Variants in CAPN3 observed in about 807,000 individuals in gnomAD.
CAPN3 encodes calpain 3, also known as calpain-3.
Under a neutral mutation model 114.0 loss-of-function variants are expected in CAPN3, and 88 were observed. That is an observed-to-expected ratio of 0.77 (90% CI 0.65 to 0.92). The LOEUF (loss-of-function observed/expected upper bound fraction) is 0.92, where lower values mean the gene tolerates loss of function less well. Among genes scored for constraint, CAPN3 ranks in the 40% least tolerant of loss-of-function variants. The pLI is 0.00. For synonymous variants in CAPN3, 386 were observed against 382.9 expected (o/e 1.01, Z -0.09); for missense variants, 1,028 against 1,069.0 (o/e 0.96, Z 0.53).
intron 2 of CAPN3, chr15:42,385,803 A>G (rs369403008): frequency 3.0e-5 from 16 of 537,196 alleles, no homozygotes; most frequent in South Asian, 2.1e-4. Context: ...GCAAAGGCAC[A>G]GGGCAGGGCA....
At chr15:42,385,616 C>G in intron 2 of CAPN3, 1 of 512,610 alleles carries the variant, frequency 2.0e-6, no homozygotes. Context: ...AAAAGAGGTT[C>G]AGAGAATAAG....
Position 42,410,443 on chromosome 15 carries a change from A to G in CAPN3, c.2131A>G (p.Lys711Glu), listed in dbSNP as rs768848281. ...CCTCCTCCAGACAGATGGCTCTGGA[A>G]AGCTCAACCTGCAGGAGTTCCACCA... The part of the protein sequence containing the change: ...IALMDTDGSG[K>E]LNLQEFHHLW... The change falls in exon 20 of 24, where the codon AAG becomes GAG. Residue 711 changes from lysine to glutamate, a missense_variant. Lys to Glu is a moderately conservative substitution (Grantham distance 56). Coordinates refer to ENST00000397163, the MANE Select transcript of CAPN3 (RefSeq NM_000070.3). 23 of 1,614,000 alleles carry G rather than the reference A, an allele frequency of 1.4e-5. No individual in the cohort carries two copies. Among genetic ancestry groups the G allele is most frequent in the Non-Finnish European group, 1.9e-5 (23 of 1,179,992 alleles).
chr15:42,387,667 A>C lies in CAPN3; in HGVS notation c.499-86A>C, dbSNP rs971187312. 16 of 1,523,924 alleles carry C rather than the reference A, an allele frequency of 1.0e-5. No individual in the cohort carries two copies. The African/African-American group carries it at 2.2e-4, about 21-fold the overall frequency. The allele number at this position is 1,523,924 out of a possible 1,614,324, so 94.4% of individuals were successfully genotyped here. On this transcript the variant is annotated intron_variant, in intron 3 of 23. Coordinates refer to ENST00000397163, the MANE Select transcript of CAPN3 (RefSeq NM_000070.3). ...AGGAAATGATGCTGCTTTGGGATTCAAGAACCCCCTGAGGAATGTGGAGGA... is the reference window on the plus strand; with the variant it reads ...AGGAAATGATGCTGCTTTGGGATTCCAGAACCCCCTGAGGAATGTGGAGGA...
rs111952947 is a variant in CAPN3 at position 42,412,048 on chromosome 15, C to G, written c.*275C>G. 16 of 1,522,742 alleles carry G rather than the reference C, an allele frequency of 1.1e-5. No homozygotes were observed. Among genetic ancestry groups the G allele is most frequent in the African/African-American group, 8.2e-5 (6 of 72,770 alleles). 94.3% of individuals were successfully genotyped at this position (1,522,742 alleles called of 1,614,324 possible). A position where few individuals can be genotyped will look rare whatever the true frequency, so the allele number is the denominator to read the frequency against. ...TGCCTGCCTCTGGTCCGAGCCGCCT[C>G]GGTTCTGAAGCGAGTGCTCCTGCTT... On this transcript the variant is annotated 3_prime_UTR_variant, in exon 24 of 24. Coordinates refer to ENST00000397163, the MANE Select transcript of CAPN3 (RefSeq NM_000070.3).
Position 42,359,801 on chromosome 15 carries a change from T to C in CAPN3, c.-5T>C, listed in dbSNP as rs1173786421. 29 of 1,613,222 alleles carry C rather than the reference T, an allele frequency of 1.8e-5. No homozygotes were observed. Among genetic ancestry groups the C allele is most frequent in the Non-Finnish European group, 2.1e-5 (25 of 1,180,046 alleles). On this transcript the variant is annotated 5_prime_UTR_variant, in exon 1 of 24. Coordinates refer to ENST00000397163, the MANE Select transcript of CAPN3 (RefSeq NM_000070.3). ...AAAAAGCTTTTTCTTCCAAAGCCACTTGCCATGCCGACCGTCATTAGCGCA... is the reference window on the plus strand; with the variant it reads ...AAAAAGCTTTTTCTTCCAAAGCCACCTGCCATGCCGACCGTCATTAGCGCA...
In CAPN3 at chr15:42,411,013, G is replaced by A. The variant is rs542367782; in HGVS notation, c.2380+13G>A. On this transcript the variant is annotated intron_variant, in intron 22 of 23. Coordinates refer to ENST00000397163, the MANE Select transcript of CAPN3 (RefSeq NM_000070.3). Reference sequence around the variant, plus strand: ...GAGGGCATGTTCAGTAAGTGGGAGAGGGGGGCTGCCCTCTGCTCTCTTGCA... The same window carrying A: ...GAGGGCATGTTCAGTAAGTGGGAGAAGGGGGCTGCCCTCTGCTCTCTTGCA... The A allele has an allele frequency of 4.0e-5, 63 of 1,574,816 alleles. No homozygotes were observed. Among genetic ancestry groups the A allele is most frequent in the South Asian group, 2.1e-4 (19 of 90,390 alleles).
At chr15:42,392,832 C>A in intron 7 of CAPN3, 110 bp downstream of exon 7, 1 of 774,186 alleles carries the variant, frequency 1.3e-6, no homozygotes, top group South Asian at 1.5e-5. Context: ...TGCCTCCAAT[C>A]AGGACATTCA....
Position 42,411,229 on chromosome 15 carries a change from C to T in CAPN3, c.2381-58C>T, listed in dbSNP as rs1371861070. ...CACATGGTCCTCTGAGGGGAAGTTA[C>T]AGTAGTAGAGGCGGAGTGCGCCTGT... is the stretch of plus-strand genomic sequence containing the variant. On this transcript the variant is annotated intron_variant, in intron 22 of 23. Transcript: ENST00000397163. The T allele has an allele frequency of 7.0e-6, 10 of 1,419,600 alleles. No individual in the cohort carries two copies. The African/African-American group carries it at 9.9e-5, about 14-fold the overall frequency. 87.9% of individuals were successfully genotyped at this position (1,419,600 alleles called of 1,614,324 possible).
intron 15 of CAPN3, among the ~76,000 whole-genome samples, chr15:42,407,810 G>A (rs929805589): frequency 3.9e-5 from 6 of 152,126 alleles, no homozygotes; most frequent in African/African-American, 1.4e-4. Context: ...AGGGCAAAGA[G>A]CTCTGTTCTC....
chr15:42,360,238 G>T lies in CAPN3; in HGVS notation c.309+124G>T, dbSNP rs2052606300. The T allele has an allele frequency of 4.8e-6, 5 of 1,035,302 alleles. No individual in the cohort carries two copies. The South Asian group carries it at 5.1e-5, about 11-fold the overall frequency. 64.1% of individuals were successfully genotyped at this position (1,035,302 alleles called of 1,614,324 possible). ...GAAGGATCCTGGCAGCAGCTCTGCT[G>T]GGCTCTGTCTTTAAGTGTGAAGCAG... On this transcript the variant is annotated intron_variant, in intron 1 of 23. Transcript: ENST00000397163.
chr15:42,407,351 G>C (rs1408087112), intron 15 of CAPN3, among the ~76,000 whole-genome samples: 3 of 151,186 alleles, frequency 2.0e-5, no homozygotes, highest in East Asian at 2.0e-4. Context: ...TTTTTTTTGA[G>C]ACAGTCTCAC....
intron 1 of CAPN3, among the ~76,000 whole-genome samples, chr15:42,361,102 G>A (rs556866630): frequency 1.8e-4 from 28 of 152,156 alleles, no homozygotes; most frequent in Non-Finnish European, 3.7e-4. Context: ...CTGGTCCAGG[G>A]AGACAAACCC....
chr15:42,363,648 G>A (rs2052706500), intron 1 of CAPN3, among the ~76,000 whole-genome samples: 1 of 152,236 alleles, frequency 6.6e-6, no homozygotes, highest in Non-Finnish European at 1.5e-5. Flanking sequence ...GAGTCATGCA[G>A]GAGTCCCTGG....
intron 8 of CAPN3, among the ~76,000 whole-genome samples, chr15:42,395,308 C>T (rs942439296): frequency 6.6e-6 from 1 of 152,166 alleles, no homozygotes; most frequent in Non-Finnish European, 1.5e-5. Context: ...CACGCTACAC[C>T]TATCCTTACT....
chr15:42,373,018 A>G (rs986312483), intron 1 of CAPN3, among the ~76,000 whole-genome samples: 2 of 150,256 alleles, frequency 1.3e-5, no homozygotes, highest in African/African-American at 4.9e-5. Flanking sequence ...GTGAAACCCA[A>G]TCTCTATTAA....
chr15:42,392,751 G>A (rs1173984079), intron 7 of CAPN3, 29 bp downstream of exon 7: 1 of 1,586,512 alleles, frequency 6.3e-7, no homozygotes, highest in Non-Finnish European at 8.6e-7. Flanking sequence ...GGTGGGGCAA[G>A]GGCACCCTCC....
At chr15:42,408,507 A>T (rs1192586789) in intron 16 of CAPN3, 183 bp downstream of exon 16, 1 of 599,386 alleles carries the variant, frequency 1.7e-6, no homozygotes, top group African/African-American at 1.8e-5. Flanking sequence ...GCTTGGGTGA[A>T]TATCCCAGGA....
chr15:42,387,848 T>G lies in CAPN3; in HGVS notation c.594T>G (p.Asn198Lys). Reference protein sequence around the residue: ...QLVFTKSNHRNEFWSALLEKA... With the variant: ...QLVFTKSNHRKEFWSALLEKA... ...TTTTCACCAAGTCCAACCACCGCAA[T>G]GAGTTCTGGAGTGCTCTGCTGGAGA... Residue 198 changes from asparagine (N) to lysine (K), a missense_variant, in exon 4 of 24, where the codon AAT (asparagine) becomes AAG (lysine). By Grantham distance (94) the Asn-to-Lys change is moderately conservative (BLOSUM62 0). Coordinates refer to ENST00000397163, the MANE Select transcript of CAPN3 (RefSeq NM_000070.3). The G allele has an allele frequency of 6.2e-7, 1 of 1,614,176 alleles. No individual in the cohort carries two copies. Among genetic ancestry groups the G allele is most frequent in the East Asian group, 2.2e-5 (1 of 44,874 alleles).
intron 13 of CAPN3, among the ~76,000 whole-genome samples, chr15:42,403,373 G>A (rs1471973380): frequency 1.3e-5 from 2 of 152,134 alleles, no homozygotes; most frequent in African/African-American, 4.8e-5. Flanking sequence ...GAGGTGTTGG[G>A]GATGCTTGAA....
Sources: allele counts gnomAD v4.1 joint callset (sites outside exome capture counted in the v4.1 genomes callset), GRCh38; gene constraint gnomAD v4.1.1; transcripts MANE v1.5; gene names NCBI Gene and HGNC (gene_info 2026-07-23, HGNC 2026-07-21).